Variants in NOX4 observed in about 807,000 individuals in gnomAD.
NOX4 encodes kidney oxidase-1.
A neutral mutation model predicts 87.6 loss-of-function variants in NOX4; 69 were observed. The observed-to-expected ratio is 0.79, with a 90% confidence interval of 0.65 to 0.96. The LOEUF (loss-of-function observed/expected upper bound fraction) is 0.96. Among genes scored for constraint, NOX4 ranks in the 40% least tolerant of loss-of-function variants. The probability of loss-of-function intolerance (pLI) is 0.00; values close to 1 mark genes in which losing one functional copy is unlikely to be tolerated. For missense variants in NOX4, 680 were observed against 681.5 expected (o/e 1.00, Z 0.02); for synonymous variants, 275 against 238.2 (o/e 1.15, Z -1.42).
intron 11 of NOX4, among the ~76,000 whole-genome samples, chr11:89,389,171 G>A (rs1940938186): frequency 6.6e-6 from 1 of 152,238 alleles, no homozygotes; most frequent in African/African-American, 2.4e-5. Context: ...ACCACAGCAA[G>A]AAACAATCAC....
At chr11:89,570,460 C>T in the NOX4 span, among the ~76,000 whole-genome samples, 47 of 152,210 alleles carry the variant, frequency 3.1e-4, no homozygotes, top group African/African-American at 1.1e-3. Flanking sequence ...GCAATTTACC[C>T]ATGTAACAAA....
chr11:89,455,236 G>A (rs1339078950), intron 2 of NOX4, among the ~76,000 whole-genome samples: 1 of 150,304 alleles, frequency 6.7e-6, no homozygotes, highest in East Asian at 1.9e-4. Context: ...ATGTGTTTGT[G>A]TCATAATACC....
intron 8 of NOX4, among the ~76,000 whole-genome samples, chr11:89,417,568 A>C (rs1266208200): frequency 6.6e-6 from 1 of 152,166 alleles, no homozygotes; most frequent in Admixed American, 6.6e-5. Flanking sequence ...AATTGTTGCC[A>C]TATCAAGGAA....
At chr11:89,517,588 A>G in the NOX4 span, among the ~76,000 whole-genome samples, 23 of 151,644 alleles carry the variant, frequency 1.5e-4, no homozygotes, top group African/African-American at 5.6e-4. Context: ...TGATTCTCCC[A>G]TCTGTTTTCT....
upstream of NOX4, among the ~76,000 whole-genome samples, chr11:89,494,762 G>A (rs960869515): frequency 6.6e-6 from 1 of 152,188 alleles, no homozygotes; most frequent in Non-Finnish European, 1.5e-5. Flanking sequence ...AACCCCACAG[G>A]TTAAACGATA....
chr11:89,428,956 A>T (rs1943614282), intron 7 of NOX4, among the ~76,000 whole-genome samples: 1 of 152,180 alleles, frequency 6.6e-6, no homozygotes, highest in Admixed American at 6.5e-5. Flanking sequence ...TTGACCACAT[A>T]GTTGGAAGCA....
At chr11:89,389,455 T>C (rs1940965902) in intron 11 of NOX4, among the ~76,000 whole-genome samples, 1 of 152,182 alleles carries the variant, frequency 6.6e-6, no homozygotes, top group Admixed American at 6.6e-5. Flanking sequence ...AATAGCTGTA[T>C]ATATTATTGA....
rs560556725 is a variant in NOX4, at chr11:89,472,486, T to G, written c.153+17972A>C. ...TATACAGTTCATAATGACTTTATAT[T>G]CAGATTTCCTTATGCTTAACTCAAA... On this transcript the variant is annotated intron_variant, in intron 2 of 17. Transcript: ENST00000263317. Among the ~76,000 whole-genome samples, 133 of 152,318 alleles carry G rather than the reference T, an allele frequency of 8.7e-4. 2 individuals carry two copies. The highest frequency in any genetic ancestry group is 4.3e-3 in the South Asian group (21 of 4,830).
At chr11:89,439,446 T>C (rs1247643839) in intron 6 of NOX4, among the ~76,000 whole-genome samples, 1 of 152,134 alleles carries the variant, frequency 6.6e-6, no homozygotes, top group Non-Finnish European at 1.5e-5. Flanking sequence ...GTAAAATGTA[T>C]CTTATAAATC....
intron 13 of NOX4, among the ~76,000 whole-genome samples, chr11:89,350,825 C>T (rs317197): frequency 2.0e-5 from 3 of 152,150 alleles, no homozygotes; most frequent in African/African-American, 7.2e-5. Context: ...AACTACCAAC[C>T]ATTTCTCCTT....
At chr11:89,552,614 G>A in the NOX4 span, among the ~76,000 whole-genome samples, 1 of 152,112 alleles carries the variant, frequency 6.6e-6, no homozygotes, top group South Asian at 2.1e-4. Flanking sequence ...TCAGTCCCAG[G>A]CACAGGTCTG....
chr11:89,401,629 C>T (rs112598628), intron 9 of NOX4, among the ~76,000 whole-genome samples: 2 of 151,866 alleles, frequency 1.3e-5, no homozygotes, highest in Non-Finnish European at 2.9e-5. Context: ...AGATAAGGGC[C>T]CTTATTGAAC....
At chr11:89,567,550 G>A in the NOX4 span, among the ~76,000 whole-genome samples, 2 of 152,202 alleles carry the variant, frequency 1.3e-5, no homozygotes, top group African/African-American at 2.4e-5. Flanking sequence ...GATGGAAGAA[G>A]AAGCAAACAT....
chr11:89,548,285 C>T, the NOX4 span: 43 of 152,186 alleles, frequency 2.8e-4, no homozygotes, highest in African/African-American at 9.2e-4. Context: ...TAGGAAAAGA[C>T]CAGAATGCTA....
At chr11:89,499,876 C>T (rs80093861), upstream of NOX4, among the ~76,000 whole-genome samples, 1 of 151,878 alleles carries the variant, frequency 6.6e-6, no homozygotes, top group Non-Finnish European at 1.5e-5. Flanking sequence ...GAGCACCTCT[C>T]ATTATTATTT....
intron 2 of NOX4, among the ~76,000 whole-genome samples, chr11:89,485,354 A>G (rs1946550790): frequency 6.6e-6 from 1 of 152,114 alleles, no homozygotes; most frequent in African/African-American, 2.4e-5. Context: ...CTAGTTTGAA[A>G]TTGAATAGTT....
chr11:89,339,502 C>T (rs1945880481), intron 15 of NOX4, among the ~76,000 whole-genome samples: 1 of 152,234 alleles, frequency 6.6e-6, no homozygotes, highest in African/African-American at 2.4e-5. Context: ...ATATGTGTAT[C>T]ACTTGTATAG....
intron 15 of NOX4, among the ~76,000 whole-genome samples, chr11:89,339,221 A>G (rs889303499): frequency 3.9e-5 from 6 of 152,190 alleles, no homozygotes; most frequent in Non-Finnish European, 7.4e-5. Context: ...AATCTATACA[A>G]TGAAATACTC....
At chr11:89,376,013 C>T (rs1939813402) in intron 11 of NOX4, among the ~76,000 whole-genome samples, 1 of 152,212 alleles carries the variant, frequency 6.6e-6, no homozygotes, top group African/African-American at 2.4e-5. Flanking sequence ...TATTTCAAAG[C>T]AGATACTGTA....
Sources: allele counts gnomAD v4.1 joint callset (sites outside exome capture counted in the v4.1 genomes callset), GRCh38; gene constraint gnomAD v4.1.1; transcripts MANE v1.5; gene names NCBI Gene and HGNC (gene_info 2026-07-23, HGNC 2026-07-21).